The following BOLL variants were observed in gnomAD, a reference collection of about 807,000 sequenced individuals.
BOLL encodes protein boule-like.
BOLL carries 23 observed loss-of-function variants against 44.4 expected under a neutral mutation model. That is an observed-to-expected ratio of 0.52 (90% CI 0.37 to 0.73). The LOEUF is 0.73. Ranked by LOEUF, BOLL falls within the 30% of genes least tolerant of loss-of-function variation. The pLI is 0.00. For synonymous variants in BOLL, 97 were observed against 110.8 expected, an observed-to-expected ratio of 0.88 and a Z score of 0.78; for missense variants, 287 against 338.3, an observed-to-expected ratio of 0.85 and a Z score of 1.19.
At chr2:197,759,480 G>A (rs1028816171) in intron 7 of BOLL, among the ~76,000 whole-genome samples, 7 of 152,054 alleles carry the variant, frequency 4.6e-5, no homozygotes, top group African/African-American at 9.7e-5. Context: ...CCCTGTGAGC[G>A]AAGCTGCTAC....
At chr2:197,768,374 G>A (rs546176819) in intron 6 of BOLL, among the ~76,000 whole-genome samples, 2 of 151,858 alleles carry the variant, frequency 1.3e-5, no homozygotes, top group Admixed American at 1.3e-4. Context: ...TAAACAAACT[G>A]AATTAAAAAA....
chr2:197,781,492 C>T (rs1164180265), intron 2 of BOLL, among the ~76,000 whole-genome samples: 1 of 152,170 alleles, frequency 6.6e-6, no homozygotes, highest in Non-Finnish European at 1.5e-5. Context: ...ATGTGGCTAG[C>T]AGCCCACAGC....
intron 9 of BOLL, among the ~76,000 whole-genome samples, chr2:197,748,651 C>T (rs1423118183): frequency 1.3e-5 from 2 of 152,240 alleles, no homozygotes; most frequent in African/African-American, 4.8e-5. Flanking sequence ...CACCTCAGTA[C>T]TGCAAAGCCA....
intron 10 of BOLL, among the ~76,000 whole-genome samples, chr2:197,738,393 G>A (rs1264632623): frequency 6.6e-6 from 1 of 152,070 alleles, no homozygotes; most frequent in Non-Finnish European, 1.5e-5. Flanking sequence ...ACTTGATTCT[G>A]TATAAGATGT....
intron 7 of BOLL, among the ~76,000 whole-genome samples, 197 bp from the exon 8 acceptor site, chr2:197,757,597 AC>A (rs1688575443): frequency 6.6e-6 from 1 of 152,166 alleles, no homozygotes; most frequent in African/African-American, 2.4e-5. Context: ...TTAGAAAAAA[AC>A]ATAGGTGTAA....
At chr2:197,771,782 T>G (rs1689275544) in intron 6 of BOLL, 73 bp downstream of exon 6, 1 of 1,394,012 alleles carries the variant, frequency 7.2e-7, no homozygotes, top group Non-Finnish European at 9.6e-7. Context: ...GGTTAAGATA[T>G]TTCAGAAATA....
chr2:197,770,055 C>A (rs1351271324), intron 6 of BOLL, among the ~76,000 whole-genome samples: 1 of 152,088 alleles, frequency 6.6e-6, no homozygotes, highest in African/African-American at 2.4e-5. Flanking sequence ...CAATCTTAAG[C>A]AAAAAGAACA....
Position 197,775,582 on chromosome 2 carries a change from T to C in BOLL, c.352+83A>G, listed in dbSNP as rs1574863251. On this transcript the variant is annotated intron_variant, in intron 5 of 10. Transcript: ENST00000392296. ...ATTAGATGAAAGAAACATGATCTTTTAATAAAGTTCTATAAAAAGTCTTAT... is the reference window on the plus strand; with the variant it reads ...ATTAGATGAAAGAAACATGATCTTTCAATAAAGTTCTATAAAAAGTCTTAT... 1.6e-5 allele frequency: 15 copies of C among 920,150 alleles called. No homozygotes were observed. In the East Asian group the frequency reaches 4.3e-4, roughly 26 times the overall value. The allele number at this position is 920,150 out of a possible 1,614,324, so 57.0% of individuals were successfully genotyped here.
At chr2:197,779,850 T>G (rs1468871295) in intron 2 of BOLL, among the ~76,000 whole-genome samples, 1 of 151,998 alleles carries the variant, frequency 6.6e-6, no homozygotes, top group African/African-American at 2.4e-5. Context: ...CTGTAACTGT[T>G]TGTCTACAAG....
intron 10 of BOLL, among the ~76,000 whole-genome samples, chr2:197,742,178 G>A (rs1050763791): frequency 5.3e-5 from 8 of 152,190 alleles, no homozygotes; most frequent in East Asian, 1.9e-4. Flanking sequence ...GTGCTGGAGA[G>A]GATGTGGAGA....
At chr2:197,785,653 G>A (rs1690043107), upstream of BOLL, among the ~76,000 whole-genome samples, 1 of 152,186 alleles carries the variant, frequency 6.6e-6, no homozygotes. The surrounding 1 kb of genome is among the most constrained non-coding windows in gnomAD (Gnocchi z 6.7). Context: ...GCCCAATTTC[G>A]GCGGGAAAGC....
intron 5 of BOLL, chr2:197,774,076 A>G (rs1198582899): frequency 2.3e-6 from 1 of 443,582 alleles, no homozygotes; most frequent in Admixed American, 2.7e-5. Flanking sequence ...GCTACCACTC[A>G]CCATTAGGCT....
intron 7 of BOLL, among the ~76,000 whole-genome samples, chr2:197,762,388 G>T (rs1393670177): frequency 6.6e-6 from 1 of 151,930 alleles, no homozygotes; most frequent in Non-Finnish European, 1.5e-5. Context: ...GATTTAAACT[G>T]CACCATAGGC....
chr2:197,743,290 T>C (rs1274264430), intron 9 of BOLL, 131 bp from the exon 10 acceptor site: 1 of 526,510 alleles, frequency 1.9e-6, no homozygotes, highest in Non-Finnish European at 3.2e-6. Context: ...CCCTTATGTT[T>C]AATTAACTTA....
intron 10 of BOLL, among the ~76,000 whole-genome samples, chr2:197,737,856 T>G (rs1687567695): frequency 6.6e-6 from 1 of 152,152 alleles, no homozygotes. Flanking sequence ...TGTTTTTCAT[T>G]TAAGTCCAAT....
chr2:197,750,392 C>T (rs982748377), intron 9 of BOLL, among the ~76,000 whole-genome samples: 19 of 152,282 alleles, frequency 1.2e-4, no homozygotes, highest in African/African-American at 4.1e-4. Flanking sequence ...GTGCTATATT[C>T]AGGAGACCCA....
intron 3 of BOLL, among the ~76,000 whole-genome samples, chr2:197,778,734 G>T (rs1245357847): frequency 6.6e-6 from 1 of 151,150 alleles, no homozygotes; most frequent in Admixed American, 6.6e-5. Flanking sequence ...ACCACTGAAT[G>T]GTCCCTCCAC....
At chr2:197,770,693 T>C (rs542736158) in intron 6 of BOLL, among the ~76,000 whole-genome samples, 184 of 152,092 alleles carry the variant, frequency 1.2e-3, no homozygotes, top group African/African-American at 4.2e-3. Flanking sequence ...TGAAGGATAT[T>C]AACAGACACT....
upstream of BOLL, chr2:197,785,391 T>A: frequency 1.0e-6 from 1 of 985,916 alleles, no homozygotes; most frequent in Non-Finnish European, 1.2e-6. This position sits in a 1 kb window ranked among gnomAD's most constrained non-coding sequence, Gnocchi z 6.7. Context: ...GATGGCACGT[T>A]GCCGCTGCGC....
Sources: gnomAD v4.1 joint callset for allele counts (sites outside exome capture counted in the v4.1 genomes callset) on GRCh38, gnomAD v4.1.1 for gene constraint, Gnocchi (gnomAD v3.1) non-coding constraint, MANE v1.5 for transcripts, NCBI Gene and HGNC (gene_info 2026-07-23, HGNC 2026-07-21) for gene names.